The following ABLIM3 variants were observed in gnomAD, a reference collection of about 807,000 sequenced individuals.
ABLIM3 encodes actin binding LIM protein family member 3, also known as actin-binding LIM protein 3.
Under a neutral mutation model 109.5 loss-of-function variants are expected in ABLIM3, and 61 were observed. That is an observed-to-expected ratio of 0.56 (90% confidence interval 0.45 to 0.69). The LOEUF (loss-of-function observed/expected upper bound fraction) is 0.69, where lower values mean the gene tolerates loss of function less well. ABLIM3 is among the 30% of genes least tolerant of loss of function. ABLIM3 has a pLI of 0.00. For synonymous variants in ABLIM3, 300 were observed against 324.8 expected (o/e 0.92, Z 0.82); for missense variants, 796 against 889.5 (o/e 0.89, Z 1.34).
At chr5:149,211,390 G>T (rs577983092) in intron 7 of ABLIM3, among the ~76,000 whole-genome samples, 1 of 152,194 alleles carries the variant, frequency 6.6e-6, no homozygotes, top group South Asian at 2.1e-4. Context: ...GGTCTTTCCG[G>T]CCTTTCTTCC....
intron 12 of ABLIM3, 147 bp from the exon 13 acceptor site, chr5:149,239,612 G>A (rs1752585064): frequency 1.7e-6 from 2 of 1,158,064 alleles, no homozygotes; most frequent in Admixed American, 2.5e-5. Context: ...GGCTGTGTGT[G>A]TAACTCAGGG....
At chr5:149,216,867 A>T in intron 7 of ABLIM3, 92 bp from the exon 8 acceptor site, 1 of 1,141,090 alleles carries the variant, frequency 8.8e-7, no homozygotes, top group Non-Finnish European at 1.3e-6. Context: ...TGCAAACAAC[A>T]CTAATGTACC....
chr5:149,217,223 G>A (rs1581155072), intron 8 of ABLIM3, 177 bp downstream of exon 8: 1 of 641,176 alleles, frequency 1.6e-6, no homozygotes, highest in Non-Finnish European at 2.8e-6. Context: ...GGTTGCCGGT[G>A]TGGCTAATAT....
intron 3 of ABLIM3, among the ~76,000 whole-genome samples, chr5:149,195,003 A>C (rs1033175532): frequency 2.6e-5 from 4 of 152,232 alleles, no homozygotes; most frequent in Non-Finnish European, 5.9e-5. Context: ...ATAATGAATT[A>C]GATCACCCTC....
At chr5:149,232,211 C>T (rs1378268770) in intron 9 of ABLIM3, among the ~76,000 whole-genome samples, 1 of 152,140 alleles carries the variant, frequency 6.6e-6, no homozygotes, top group Non-Finnish European at 1.5e-5. Context: ...GAGGCTGAAG[C>T]AGGAGAATCA....
chr5:149,246,633 C>A, intron 17 of ABLIM3, 87 bp downstream of exon 17: 2 of 1,399,976 alleles, frequency 1.4e-6, no homozygotes, highest in South Asian at 1.3e-5. Context: ...AAAACAGATT[C>A]AAGCCCACTT....
At chr5:149,162,504 G>A (rs190005760) in intron 2 of ABLIM3, among the ~76,000 whole-genome samples, 1 of 152,314 alleles carries the variant, frequency 6.6e-6, no homozygotes, top group East Asian at 1.9e-4. Flanking sequence ...ATAGGATAGA[G>A]GCTTTGCTTC....
At chr5:149,220,556 T>C (rs1368758099) in intron 8 of ABLIM3, 1 of 152,172 alleles carries the variant, frequency 6.6e-6, no homozygotes, top group Non-Finnish European at 1.5e-5. Context: ...TCACTTGGGC[T>C]GTGAGTGTCT....
chr5:149,189,866 A>G (rs1210323923), intron 3 of ABLIM3, among the ~76,000 whole-genome samples: 2 of 152,214 alleles, frequency 1.3e-5, no homozygotes, highest in Non-Finnish European at 2.9e-5. Context: ...TCCTCAGTAT[A>G]TACTCAAGAG....
chr5:149,229,278 A>T (rs1056378156), intron 8 of ABLIM3, among the ~76,000 whole-genome samples: 1 of 152,226 alleles, frequency 6.6e-6, no homozygotes, highest in Non-Finnish European at 1.5e-5. Context: ...AATTAAACCC[A>T]GTTGAATAAT....
Position 149,160,353 on chromosome 5 carries a change from A to G in ABLIM3, c.13+18245A>G, listed in dbSNP as rs148014336. 1.6e-3 allele frequency among the ~76,000 whole-genome samples: 248 copies of G among 152,032 alleles called. 1 individual carries two copies. Among genetic ancestry groups the G allele is most frequent in the African/African-American group, 5.7e-3 (237 of 41,462 alleles). On this transcript the variant is annotated intron_variant, in intron 2 of 23. Coordinates refer to ENST00000309868, the MANE Select transcript of ABLIM3 (RefSeq NM_014945.5). Reference sequence around the variant, plus strand: ...GCACGCCTGTAATCACAGCTACTCAAGAGGCTGACACAGGGAATCACTTAA... The same window carrying G: ...GCACGCCTGTAATCACAGCTACTCAGGAGGCTGACACAGGGAATCACTTAA...
In ABLIM3 at chr5:149,259,627, C is replaced by T. The variant is rs547814840; in HGVS notation, c.*1223C>T. On this transcript the variant is annotated 3_prime_UTR_variant, in exon 24 of 24. Coordinates refer to ENST00000309868, the MANE Select transcript of ABLIM3 (RefSeq NM_014945.5). ...ACCGCTCATGGCCATCCTGGATTTT[C>T]CCAGTGGCTTCCCTTCCTGCTCGCC... 1 of 1,522,742 alleles carries T rather than the reference C, an allele frequency of 6.6e-7. No homozygotes were observed. The highest frequency in any genetic ancestry group is 1.4e-5 in the African/African-American group (1 of 72,948). The allele number at this position is 1,522,742 out of a possible 1,614,324, so 94.3% of individuals were successfully genotyped here.
At chr5:149,192,225 A>T (rs1236038027) in intron 3 of ABLIM3, among the ~76,000 whole-genome samples, 1 of 152,116 alleles carries the variant, frequency 6.6e-6, no homozygotes, top group Non-Finnish European at 1.5e-5. Flanking sequence ...GGAAAAAAAA[A>T]ACCTATTATT....
intron 9 of ABLIM3, 140 bp downstream of exon 9, chr5:149,230,847 C>A: frequency 1.0e-6 from 1 of 966,424 alleles, no homozygotes; most frequent in Non-Finnish European, 1.6e-6. Context: ...CTTGGATTTT[C>A]CTAACGGTAA....
chr5:149,239,210 C>T (rs1752543236), intron 11 of ABLIM3, 38 bp from the exon 12 acceptor site: 2 of 1,611,532 alleles, frequency 1.2e-6, no homozygotes, highest in Admixed American at 3.3e-5. Context: ...ATTCCTTCTG[C>T]TCGTTCCACA....
chr5:149,202,281 A>T (rs1304451700), intron 5 of ABLIM3, among the ~76,000 whole-genome samples: 1 of 152,208 alleles, frequency 6.6e-6, no homozygotes, highest in African/African-American at 2.4e-5. Flanking sequence ...TTGGATGATT[A>T]GGAGGTGGAA....
intron 8 of ABLIM3, chr5:149,219,541 G>A (rs1217412527): frequency 1.3e-5 from 2 of 152,236 alleles, no homozygotes; most frequent in African/African-American, 4.8e-5. Flanking sequence ...GAATGGGAGT[G>A]CGTCAGGGCA....
Position 149,259,649 on chromosome 5 carries a change from C to T in ABLIM3, c.*1245C>T, listed in dbSNP as rs921477189. 6.1e-6 allele frequency: 9 copies of T among 1,465,032 alleles called. No individual in the cohort carries two copies. Among genetic ancestry groups the T allele is most frequent in the East Asian group, 2.5e-5 (1 of 40,574 alleles). The allele number at this position is 1,465,032 out of a possible 1,614,324, so 90.8% of individuals were successfully genotyped here. A position where few individuals can be genotyped will look rare whatever the true frequency, so the allele number is the denominator to read the frequency against. ...TTTCCCAGTGGCTTCCCTTCCTGCT[C>T]GCCTCCCTGAACAGGGGAGAAAGCT... On this transcript the variant is annotated 3_prime_UTR_variant, in exon 24 of 24. Coordinates refer to ENST00000309868, the MANE Select transcript of ABLIM3 (RefSeq NM_014945.5).
intron 9 of ABLIM3, among the ~76,000 whole-genome samples, chr5:149,231,071 C>T (rs906451392): frequency 1.3e-5 from 2 of 152,164 alleles, no homozygotes; most frequent in African/African-American, 4.8e-5. Context: ...AATAATGTCA[C>T]AGTAATTGAC....
Sources: allele counts gnomAD v4.1 joint callset (sites outside exome capture counted in the v4.1 genomes callset), GRCh38; gene constraint gnomAD v4.1.1; transcripts MANE v1.5; gene names NCBI Gene and HGNC (gene_info 2026-07-23, HGNC 2026-07-21).